Variants in KDM8 observed in about 807,000 individuals in gnomAD.
The protein encoded by KDM8 is lysine demethylase 8.
Under a neutral mutation model 46.9 loss-of-function variants are expected in KDM8, and 35 were observed. That is an observed-to-expected ratio of 0.75 (90% CI 0.57 to 0.99). KDM8 has a LOEUF of 0.99. KDM8 is among the 50% of genes least tolerant of loss of function. The pLI is 0.00. For missense variants in KDM8, 475 were observed against 537.0 expected (o/e 0.88, Z 1.14); for synonymous variants, 232 against 227.7 (o/e 1.02, Z -0.17).
chr16:27,221,117 C>A lies in KDM8; in HGVS notation c.*387C>A, dbSNP rs548495810. ...ATTCAAACCCGGCCGCGCTGTGCAC[C>A]TGCTGGGTGACTTGGCCAGGATCCC... is the stretch of plus-strand genomic sequence containing the variant. On this transcript the variant is annotated 3_prime_UTR_variant, in exon 8 of 8. Transcript: ENST00000286096. 9 of 350,926 alleles carry A rather than the reference C, an allele frequency of 2.6e-5. No individual in the cohort carries two copies. The highest frequency in any genetic ancestry group is 2.0e-4 in the South Asian group (9 of 44,520). The allele number at this position is 350,926 out of a possible 1,614,324, so 21.7% of individuals were successfully genotyped here.
At chr16:27,215,818 C>A in intron 4 of KDM8, 127 bp from the exon 5 acceptor site, 1 of 949,482 alleles carries the variant, frequency 1.1e-6, no homozygotes, top group Non-Finnish European at 1.7e-6. Flanking sequence ...TGGAGAGGAC[C>A]ACTCAGGATG....
intron 1 of KDM8, among the ~76,000 whole-genome samples, chr16:27,208,047 A>C (rs2083443796): frequency 6.6e-6 from 1 of 152,266 alleles, no homozygotes. Flanking sequence ...CCTTTTGATA[A>C]GGCCGTTCAT....
intron 4 of KDM8, 137 bp from the exon 5 acceptor site, chr16:27,215,808 T>G (rs1044488746): frequency 8.1e-6 from 7 of 868,226 alleles, no homozygotes; most frequent in East Asian, 2.4e-5. Flanking sequence ...CTCTAAGGGT[T>G]GGAGAGGACC....
chr16:27,212,573 A>C (rs958120691), intron 2 of KDM8, among the ~76,000 whole-genome samples: 1 of 152,152 alleles, frequency 6.6e-6, no homozygotes, highest in African/African-American at 2.4e-5. Flanking sequence ...ATATCTACTA[A>C]AAATACAAAA....
rs1416965018 is a variant in KDM8, at chr16:27,213,728, C to A, written c.642C>A (p.His214Gln). The change falls in exon 3 of 8, where the codon CAC (histidine) becomes CAA (glutamine). Residue 214 changes from histidine (H) to glutamine (Q), a missense_variant. His to Gln is a conservative substitution (Grantham distance 24). Transcript: ENST00000286096. ...RPVILKGVAD[H>Q]WPCMQKWSLE... ...TGATCCTGAAAGGCGTGGCTGACCACTGGCCGTGCATGCAGAAGTGGAGGT... is the reference window on the plus strand; with the variant it reads ...TGATCCTGAAAGGCGTGGCTGACCAATGGCCGTGCATGCAGAAGTGGAGGT... The A allele has an allele frequency of 1.2e-5, 19 of 1,614,052 alleles. No homozygotes were observed. The highest frequency in any genetic ancestry group is 1.5e-5 in the Non-Finnish European group (18 of 1,180,028).
chr16:27,214,914 TC>T lies in KDM8; in HGVS notation c.707del (p.Pro236GlnfsTer18). 6.2e-7 allele frequency: 1 copy of T among 1,614,198 alleles called. No homozygotes were observed. The highest frequency in any genetic ancestry group is 8.5e-7 in the Non-Finnish European group (1 of 1,180,020). ...YIQEIAGCRT[V>X]PVEVGSRYTD... ...CAGGAGATCGCTGGCTGCCGAACTG[TC>T]CCAGTGGAAGTTGGTTCGAGGTACA... On this transcript the variant is annotated frameshift_variant, in exon 4 of 8. Transcript: ENST00000286096. LOFTEE classifies it high-confidence loss of function.
At chr16:27,209,752 T>A (rs1488515861) in intron 1 of KDM8, among the ~76,000 whole-genome samples, 1 of 152,198 alleles carries the variant, frequency 6.6e-6, no homozygotes, top group African/African-American at 2.4e-5. Context: ...TTGGAGAGTC[T>A]TGGCAGGCCT....
At chr16:27,214,381 G>A (rs1373711295) in intron 3 of KDM8, 3 of 161,310 alleles carry the variant, frequency 1.9e-5, no homozygotes, top group African/African-American at 7.2e-5. Context: ...TACGTACCTG[G>A]CACTAGGACA....
intron 6 of KDM8, 58 bp downstream of exon 6, chr16:27,219,168 C>T (rs976395632): frequency 2.1e-5 from 31 of 1,497,398 alleles, no homozygotes; most frequent in South Asian, 6.5e-5. Context: ...GACACCTGGC[C>T]GGCCACATTC....
At chr16:27,215,076 AC>A (rs1455582436) in intron 4 of KDM8, 68 bp downstream of exon 4, 16 of 1,564,100 alleles carry the variant, frequency 1.0e-5, no homozygotes, top group Admixed American at 5.0e-5. Flanking sequence ...TAGGCAAATA[AC>A]CCCCCATGTG....
At chr16:27,215,285 A>T (rs997403104) in intron 4 of KDM8, among the ~76,000 whole-genome samples, 28 of 152,148 alleles carry the variant, frequency 1.8e-4, no homozygotes, top group African/African-American at 6.5e-4. Context: ...TGTGTATTTA[A>T]ATTTTTAATA....
intron 2 of KDM8, chr16:27,211,657 C>T (rs1018674249): frequency 2.0e-5 from 3 of 152,098 alleles, no homozygotes; most frequent in Admixed American, 6.6e-5. Context: ...CTATGTTTTC[C>T]GAATTTCCTA....
At position 27,210,531 on chromosome 16, in the gene KDM8, C is replaced by A; in HGVS notation, c.408C>A (p.Asp136Glu). ...TGATGGGGGCAGCCATCCTGGGGGA[C>A]ATCCTTCTTAAAGTCGCTGCCATCC... ...GLLMGAAILG[D>E]ILLKVAAILQ... The change falls in exon 2 of 8, where the codon GAC (aspartate) becomes GAA (glutamate). Residue 136 changes from aspartate to glutamate, a missense_variant. Coordinates refer to ENST00000286096, the MANE Select transcript of KDM8 (RefSeq NM_024773.3). The A allele has an allele frequency of 6.5e-7, 1 of 1,542,182 alleles. No individual in the cohort carries two copies. Among genetic ancestry groups the A allele is most frequent in the Non-Finnish European group, 8.7e-7 (1 of 1,143,164 alleles).
In KDM8 at chr16:27,220,958, T is replaced by C. The variant is rs1391032075; in HGVS notation, c.*228T>C. 1 of 607,142 alleles carries C rather than the reference T, an allele frequency of 1.6e-6. No homozygotes were observed. The highest frequency in any genetic ancestry group is 2.6e-5 in the Admixed American group (1 of 38,442). The allele number at this position is 607,142 out of a possible 1,614,324, so 37.6% of individuals were successfully genotyped here. ...GCCAGGGGTGCATGGCAGAGGAAGG[T>C]GGGGAGAGCCCAGAAGGACATTGCA... On this transcript the variant is annotated 3_prime_UTR_variant, in exon 8 of 8. Transcript: ENST00000286096.
chr16:27,216,069 A>T, intron 5 of KDM8, 80 bp downstream of exon 5: 1 of 1,480,048 alleles, frequency 6.8e-7, no homozygotes. Context: ...GTGCGGCTGG[A>T]GCAGTGAGCG....
At chr16:27,216,940 A>T (rs2083562261) in intron 5 of KDM8, among the ~76,000 whole-genome samples, 1 of 152,074 alleles carries the variant, frequency 6.6e-6, no homozygotes, top group Admixed American at 6.6e-5. Context: ...CCTGTCCTGG[A>T]GCAGCTGTTT....
Position 27,215,951 on chromosome 16 carries a change from G to T in KDM8, c.805G>T (p.Asp269Tyr). ...ISKYIVNEPR[D>Y]VGYLAQHQLF... ...GTTTTCCCCGGTGGATTAGCCAAGG[G>T]ACGTCGGGTACCTTGCTCAGCACCA... The change falls in exon 5 of 8, where the codon GAC (aspartate) becomes TAC (tyrosine). Residue 269 changes from aspartate to tyrosine, a missense_variant. By Grantham distance (160) the Asp-to-Tyr change is radical (BLOSUM62 -3). Coordinates refer to ENST00000286096, the MANE Select transcript of KDM8 (RefSeq NM_024773.3). 1 of 1,614,186 alleles carries T rather than the reference G, an allele frequency of 6.2e-7. No individual in the cohort carries two copies. Among genetic ancestry groups the T allele is most frequent in the Non-Finnish European group, 8.5e-7 (1 of 1,180,026 alleles).
intron 5 of KDM8, among the ~76,000 whole-genome samples, chr16:27,218,404 C>T (rs2083578628): frequency 6.6e-6 from 1 of 152,208 alleles, no homozygotes; most frequent in Non-Finnish European, 1.5e-5. Context: ...GGGAGCCGCG[C>T]CACCCTTACT....
intron 2 of KDM8, 107 bp from the exon 3 acceptor site, chr16:27,213,478 T>G (rs2083508979): frequency 2.7e-6 from 3 of 1,112,884 alleles, no homozygotes; most frequent in Non-Finnish European, 3.9e-6. Flanking sequence ...TTACTGGTAC[T>G]CTTGACAGCT....
Sources: gnomAD v4.1 joint callset for allele counts (sites outside exome capture counted in the v4.1 genomes callset) on GRCh38, gnomAD v4.1.1 for gene constraint, MANE v1.5 for transcripts, NCBI Gene and HGNC (gene_info 2026-07-23, HGNC 2026-07-21) for gene names.